DDX10: variants seen among roughly 807,000 people sequenced by gnomAD.
DDX10 encodes the protein DEAD-box helicase 10.
DDX10 carries 74 observed loss-of-function variants against 104.3 expected under a neutral mutation model. That is an observed-to-expected ratio of 0.71 (90% CI 0.59 to 0.86). DDX10 has a LOEUF of 0.86. Among genes scored for constraint, DDX10 ranks in the 40% least tolerant of loss-of-function variants. DDX10 has a pLI of 0.00. For missense variants in DDX10, 952 were observed against 1,040.0 expected, an observed-to-expected ratio of 0.92 and a Z score of 1.16; for synonymous variants, 351 against 353.4, an observed-to-expected ratio of 0.99 and a Z score of 0.08.
intron 10 of DDX10, among the ~76,000 whole-genome samples, chr11:108,710,443 C>G (rs1375288659): frequency 6.6e-6 from 1 of 151,782 alleles, no homozygotes. Flanking sequence ...TTTGTTTTCC[C>G]TTAAAACTTT....
intron 9 of DDX10, among the ~76,000 whole-genome samples, chr11:108,705,486 C>T (rs1004341024): frequency 2.0e-5 from 3 of 152,100 alleles, no homozygotes; most frequent in African/African-American, 7.2e-5. Context: ...CCATGGTTGT[C>T]CTTTAGCACC....
At chr11:108,909,726 A>C (rs1165146547) in intron 16 of DDX10, among the ~76,000 whole-genome samples, 1 of 152,024 alleles carries the variant, frequency 6.6e-6, no homozygotes, top group African/African-American at 2.4e-5. Context: ...GTGTTAAGAC[A>C]CTCTGCATGG....
intron 13 of DDX10, among the ~76,000 whole-genome samples, chr11:108,786,147 T>A (rs1444067210): frequency 6.6e-6 from 1 of 152,126 alleles, no homozygotes; most frequent in Non-Finnish European, 1.5e-5. Context: ...TTTCTATGTT[T>A]TTGTGTTATT....
chr11:108,710,409 A>G (rs955589063), intron 10 of DDX10, among the ~76,000 whole-genome samples: 2 of 152,010 alleles, frequency 1.3e-5, no homozygotes, highest in Non-Finnish European at 2.9e-5. Context: ...TCTTTACTCT[A>G]CAAGCTTTTT....
chr11:108,834,606 A>G (rs775721203), intron 13 of DDX10, among the ~76,000 whole-genome samples: 1 of 152,050 alleles, frequency 6.6e-6, no homozygotes, highest in Non-Finnish European at 1.5e-5. Context: ...ATAATTTACT[A>G]TGTTACATTT....
intron 17 of DDX10, among the ~76,000 whole-genome samples, chr11:108,930,902 C>T (rs1401467414): frequency 6.6e-6 from 1 of 152,156 alleles, no homozygotes; most frequent in African/African-American, 2.4e-5. Context: ...AGTGAAGGTT[C>T]TTACCTGAGA....
At chr11:108,866,346 G>A (rs1591101945) in intron 16 of DDX10, among the ~76,000 whole-genome samples, 1 of 152,138 alleles carries the variant, frequency 6.6e-6, no homozygotes, top group East Asian at 1.9e-4. Context: ...AGAGGATTCG[G>A]CAATGAGAGT....
In DDX10 at chr11:108,693,545, T is replaced by C; in HGVS notation, c.1168T>C (p.Phe390Leu). The change falls in exon 9 of 18, where the codon TTT (phenylalanine) becomes CTT (leucine). Residue 390 changes from phenylalanine (F) to leucine (L), a missense_variant. Physicochemically the swap from Phe to Leu is conservative, Grantham distance 22 (BLOSUM62 0). Around this residue, in one of 3 missense-constraint regions of DDX10, gnomAD observed 412 missense variants for 479.2 expected, o/e 0.86. Transcript: ENST00000322536. ...DFPAVNWVLQ[F>L]DCPEDANTYI... ...CCCGGCCGTGAATTGGGTTCTTCAG[T>C]TTGATTGTCCTGAGGATGCCAACAC... The C allele has an allele frequency of 3.7e-6, 6 of 1,614,156 alleles. No individual in the cohort carries two copies. The highest frequency in any genetic ancestry group is 5.1e-6 in the Non-Finnish European group (6 of 1,180,004).
intron 16 of DDX10, among the ~76,000 whole-genome samples, chr11:108,859,751 T>C (rs1434134832): frequency 6.6e-6 from 1 of 152,084 alleles, no homozygotes; most frequent in East Asian, 1.9e-4. Context: ...TGGCTGAGTC[T>C]GTGTTATTCC....
chr11:108,768,981 G>A (rs1170951540), intron 13 of DDX10, among the ~76,000 whole-genome samples: 1 of 151,996 alleles, frequency 6.6e-6, no homozygotes, highest in Non-Finnish European at 1.5e-5. Flanking sequence ...AATGTTGATT[G>A]GGTATGACAG....
At chr11:108,769,204 C>G (rs566597092) in intron 13 of DDX10, among the ~76,000 whole-genome samples, 7 of 150,706 alleles carry the variant, frequency 4.6e-5, no homozygotes, top group African/African-American at 1.5e-4. Flanking sequence ...TTTTTTTTTC[C>G]CTTCACGACT....
At chr11:108,801,205 C>T (rs1862016060) in intron 13 of DDX10, among the ~76,000 whole-genome samples, 1 of 152,098 alleles carries the variant, frequency 6.6e-6, no homozygotes, top group Admixed American at 6.5e-5. Context: ...ACTGTGTATT[C>T]TAACAATATT....
At chr11:108,749,057 T>C (rs2094335196) in intron 13 of DDX10, among the ~76,000 whole-genome samples, 1 of 151,058 alleles carries the variant, frequency 6.6e-6, no homozygotes. Flanking sequence ...CATGTCTCTC[T>C]CTCTCTCTCT....
At chr11:108,904,283 C>T (rs1482069607) in intron 16 of DDX10, among the ~76,000 whole-genome samples, 1 of 152,118 alleles carries the variant, frequency 6.6e-6, no homozygotes, top group Non-Finnish European at 1.5e-5. Flanking sequence ...CCAAAATGTT[C>T]ATTCAGTGAC....
At chr11:108,688,576 T>G (rs2094247765) in intron 6 of DDX10, among the ~76,000 whole-genome samples, 1 of 152,228 alleles carries the variant, frequency 6.6e-6, no homozygotes, top group African/African-American at 2.4e-5. Context: ...CAGTTGAATT[T>G]GATGAATGTG....
At chr11:108,747,528 C>G (rs1037728245) in intron 13 of DDX10, among the ~76,000 whole-genome samples, 3 of 152,076 alleles carry the variant, frequency 2.0e-5, no homozygotes, top group African/African-American at 7.2e-5. Flanking sequence ...AGAGTTAATG[C>G]CTTAGTATTT....
At chr11:108,825,268 A>G (rs949495966) in intron 13 of DDX10, among the ~76,000 whole-genome samples, 2 of 152,194 alleles carry the variant, frequency 1.3e-5, no homozygotes, top group Non-Finnish European at 2.9e-5. Flanking sequence ...CATATCTGGA[A>G]AATGAGGGAA....
intron 9 of DDX10, among the ~76,000 whole-genome samples, chr11:108,701,382 C>T (rs1031693376): frequency 6.6e-6 from 1 of 151,936 alleles, no homozygotes; most frequent in Non-Finnish European, 1.5e-5. Context: ...AGATACAGGG[C>T]GGGAAAAAGA....
rs774814021 is a variant in DDX10 at position 108,665,130 on chromosome 11, C to G, written c.-24C>G. On this transcript the variant is annotated 5_prime_UTR_variant, in exon 1 of 18. Coordinates refer to ENST00000322536, the MANE Select transcript of DDX10 (RefSeq NM_004398.4). ...AGGTGTCTCGTGTCTGGGGTTGATCCGAGCTGTCGCCGCCGCCGCCGCAAT... is the reference window on the plus strand; with the variant it reads ...AGGTGTCTCGTGTCTGGGGTTGATCGGAGCTGTCGCCGCCGCCGCCGCAAT... 6.3e-7 allele frequency: 1 copy of G among 1,593,336 alleles called. No homozygotes were observed.
Sources: gnomAD v4.1 joint callset for allele counts (sites outside exome capture counted in the v4.1 genomes callset) on GRCh38, gnomAD v4.1.1 for gene constraint, gnomAD v4.1.1 regional missense constraint, MANE v1.5 for transcripts, NCBI Gene and HGNC (gene_info 2026-07-23, HGNC 2026-07-21) for gene names.